JAKMIP2: variants seen among roughly 807,000 people sequenced by gnomAD.
JAKMIP2 encodes janus kinase and microtubule interacting protein 2, also known as janus kinase and microtubule-interacting protein 2.
JAKMIP2 carries 25 observed loss-of-function variants against 115.0 expected under a neutral mutation model. The ratio of observed to expected loss-of-function variants is 0.22; its 90% CI spans 0.16 to 0.30. The LOEUF (loss-of-function observed/expected upper bound fraction) is 0.30, where lower values mean the gene tolerates loss of function less well. Ranked by LOEUF, JAKMIP2 falls within the 10% of genes least tolerant of loss-of-function variation. The pLI is 1.00. For missense variants in JAKMIP2, 642 were observed against 957.6 expected (o/e 0.67, Z 4.35); for synonymous variants, 334 against 343.6 (o/e 0.97, Z 0.31).
intron 1 of JAKMIP2, among the ~76,000 whole-genome samples, chr5:147,715,315 T>C (rs1752931899): frequency 6.6e-6 from 1 of 151,926 alleles, no homozygotes; most frequent in African/African-American, 2.4e-5. Context: ...TCAGTAATTG[T>C]ATTAAATTTA....
intron 1 of JAKMIP2, among the ~76,000 whole-genome samples, chr5:147,676,331 G>A (rs971973465): frequency 6.6e-6 from 1 of 152,192 alleles, no homozygotes; most frequent in African/African-American, 2.4e-5. Flanking sequence ...GCGAGACTCC[G>A]TCTCAAAAAA....
intron 10 of JAKMIP2, among the ~76,000 whole-genome samples, chr5:147,638,642 C>A (rs1275286648): frequency 2.0e-5 from 3 of 151,670 alleles, no homozygotes; most frequent in African/African-American, 7.3e-5. Context: ...CTACAAAACT[C>A]CTCAGTGCAT....
At chr5:147,601,149 C>T (rs1396091451) in intron 21 of JAKMIP2, among the ~76,000 whole-genome samples, 1 of 152,130 alleles carries the variant, frequency 6.6e-6, no homozygotes, top group Non-Finnish European at 1.5e-5. Context: ...TGTGACTTCC[C>T]AAAGTAATAC....
At chr5:147,715,288 A>C (rs1217722696) in intron 1 of JAKMIP2, among the ~76,000 whole-genome samples, 2 of 151,992 alleles carry the variant, frequency 1.3e-5, no homozygotes, top group Non-Finnish European at 2.9e-5. Flanking sequence ...ATGAGGTAGT[A>C]GATTTAAATC....
At chr5:147,657,267 G>A (rs970810000) in intron 3 of JAKMIP2, among the ~76,000 whole-genome samples, 11 of 151,008 alleles carry the variant, frequency 7.3e-5, no homozygotes, top group African/African-American at 1.2e-4. Flanking sequence ...GTGACAGAGC[G>A]AGACTCCGTC....
At chr5:147,689,633 G>C (rs112447302) in intron 1 of JAKMIP2, among the ~76,000 whole-genome samples, 1 of 152,132 alleles carries the variant, frequency 6.6e-6, no homozygotes, top group Non-Finnish European at 1.5e-5. Context: ...AACAGTACAC[G>C]TTACTGTTTG....
At chr5:147,736,415 G>T (rs1008649838) in intron 1 of JAKMIP2, among the ~76,000 whole-genome samples, 1 of 151,982 alleles carries the variant, frequency 6.6e-6, no homozygotes, top group African/African-American at 2.4e-5. Flanking sequence ...CCAAGATTGC[G>T]CCACTGCACT....
intron 5 of JAKMIP2, among the ~76,000 whole-genome samples, chr5:147,645,432 G>A (rs1758088910): frequency 6.6e-6 from 1 of 152,100 alleles, no homozygotes; most frequent in Admixed American, 6.6e-5. Flanking sequence ...CTGAATCCAA[G>A]CCTGGTTATG....
chr5:147,743,217 G>T (rs1430907719), intron 1 of JAKMIP2, among the ~76,000 whole-genome samples: 1 of 152,116 alleles, frequency 6.6e-6, no homozygotes, highest in Non-Finnish European at 1.5e-5. Context: ...TTCAAGCCAA[G>T]GCTGTCTGAC....
rs143099890 is a variant in JAKMIP2 at position 147,749,136 on chromosome 5, C to T, written c.-149+33320G>A. ...GCTGATAAGTGACATCTAGAACACACATATAAATTTGTCAATTTGAAGCCT... is the reference window on the plus strand; with the variant it reads ...GCTGATAAGTGACATCTAGAACACATATATAAATTTGTCAATTTGAAGCCT... On this transcript the variant is annotated intron_variant, in intron 1 of 21. Coordinates refer to ENST00000616793, the MANE Select transcript of JAKMIP2 (RefSeq NM_001270941.2). Among the ~76,000 whole-genome samples the T allele has an allele frequency of 4.4e-3, 676 of 151,984 alleles. 3 individuals are homozygous for T. The highest frequency in any genetic ancestry group is 0.016 in the African/African-American group (648 of 41,426).
chr5:147,690,584 T>C (rs73797151), intron 1 of JAKMIP2, among the ~76,000 whole-genome samples: 28,391 of 98,306 alleles, frequency 0.29, 4,071 homozygotes, highest in African/African-American at 0.46. Flanking sequence ...TATATATATA[T>C]GCACATATGC....
chr5:147,699,014 T>G (rs972192928), intron 1 of JAKMIP2, among the ~76,000 whole-genome samples: 2 of 152,208 alleles, frequency 1.3e-5, no homozygotes, highest in Non-Finnish European at 2.9e-5. Context: ...CCATATAAGA[T>G]CTATTCACTG....
intron 3 of JAKMIP2, among the ~76,000 whole-genome samples, chr5:147,654,287 T>C (rs1472564148): frequency 1.3e-5 from 2 of 152,150 alleles, no homozygotes; most frequent in African/African-American, 4.8e-5. Context: ...AGTGTTGATC[T>C]ATAAATTACT....
intron 1 of JAKMIP2, 129 bp from the exon 2 acceptor site, chr5:147,672,083 G>A (rs1254891234): frequency 4.8e-6 from 2 of 418,508 alleles, no homozygotes; most frequent in Non-Finnish European, 3.5e-6. Context: ...AGTATCTCCT[G>A]TCCACTTGTA....
chr5:147,652,944 G>A (rs552022554), intron 3 of JAKMIP2, among the ~76,000 whole-genome samples: 3 of 152,152 alleles, frequency 2.0e-5, no homozygotes, highest in East Asian at 1.9e-4. Context: ...ACTTATGAGC[G>A]GGAACATGCA....
chr5:147,722,020 G>A (rs1183536946), intron 1 of JAKMIP2, among the ~76,000 whole-genome samples: 2 of 152,082 alleles, frequency 1.3e-5, no homozygotes, highest in Non-Finnish European at 1.5e-5. Context: ...ACTTCCTGTC[G>A]AAAGGTGTCC....
At chr5:147,612,408 G>T (rs1255075521) in intron 19 of JAKMIP2, 37 bp from the exon 20 acceptor site, 1 of 1,277,382 alleles carries the variant, frequency 7.8e-7, no homozygotes, top group East Asian at 2.3e-5. Context: ...AGCATCAGTA[G>T]GTGGTAAGTT....
At chr5:147,723,895 G>A (rs1325565306) in intron 1 of JAKMIP2, among the ~76,000 whole-genome samples, 1 of 152,100 alleles carries the variant, frequency 6.6e-6, no homozygotes, top group Non-Finnish European at 1.5e-5. Context: ...GATGTATAAC[G>A]TACCTGAAAA....
intron 12 of JAKMIP2, among the ~76,000 whole-genome samples, chr5:147,635,483 C>T (rs548094458): frequency 2.2e-4 from 34 of 152,104 alleles, no homozygotes; most frequent in African/African-American, 7.2e-4. Context: ...TGCTAGGTTT[C>T]GGCATGGTCT....
Sources: allele counts gnomAD v4.1 joint callset (sites outside exome capture counted in the v4.1 genomes callset), GRCh38; gene constraint gnomAD v4.1.1; transcripts MANE v1.5; gene names NCBI Gene and HGNC (gene_info 2026-07-23, HGNC 2026-07-21).